The following NRG3 variants were observed in gnomAD, a reference collection of about 807,000 sequenced individuals.
NRG3 encodes pro-neuregulin-3, membrane-bound isoform.
A neutral mutation model predicts 66.9 loss-of-function variants in NRG3; 31 were observed. The observed-to-expected ratio is 0.46, with a 90% CI of 0.35 to 0.63. NRG3 has a LOEUF of 0.63. NRG3 is among the 20% of genes least tolerant of loss of function. NRG3 has a pLI of 0.00. For missense variants in NRG3, 910 were observed against 878.9 expected (o/e 1.04, Z -0.45); for synonymous variants, 393 against 359.4 (o/e 1.09, Z -1.06).
chr10:81,991,200 T>G lies in NRG3; in HGVS notation c.823+115037T>G, dbSNP rs183250152. On this transcript the variant is annotated intron_variant, in intron 1 of 8. Coordinates refer to ENST00000372141, the MANE Select transcript of NRG3 (RefSeq NM_001010848.4). ...TTAATTATTGTCTTCAATATGTACA[T>G]TGTTTCCAAGAATCATATTTTGCTT... is the stretch of plus-strand genomic sequence containing the variant. Among the ~76,000 whole-genome samples the G allele has an allele frequency of 1.7e-3, 260 of 152,304 alleles. 2 individuals carry two copies. Among genetic ancestry groups the G allele is most frequent in the African/African-American group, 5.1e-3 (214 of 41,586 alleles).
intron 1 of NRG3, among the ~76,000 whole-genome samples, chr10:82,260,470 A>C (rs1008107221): frequency 6.6e-6 from 1 of 152,160 alleles, no homozygotes; most frequent in African/African-American, 2.4e-5. Context: ...TTATATCTGG[A>C]ATTAGATGCT....
intron 1 of NRG3, among the ~76,000 whole-genome samples, chr10:81,877,046 C>T (rs939248793): frequency 1.3e-5 from 2 of 152,190 alleles, no homozygotes; most frequent in Admixed American, 1.3e-4. Flanking sequence ...GTTTTCTGCA[C>T]TCAAGGGTGA....
At chr10:81,974,122 A>C (rs1484975233) in intron 1 of NRG3, among the ~76,000 whole-genome samples, 2 of 152,158 alleles carry the variant, frequency 1.3e-5, no homozygotes, top group Admixed American at 1.3e-4. Context: ...AATCTTGTGC[A>C]TATGGCTAGC....
chr10:82,790,411 G>A (rs867576894), intron 3 of NRG3, among the ~76,000 whole-genome samples: 1 of 151,840 alleles, frequency 6.6e-6, no homozygotes, highest in African/African-American at 2.4e-5. Context: ...CCACCACATC[G>A]TGGCTTCTAT....
rs548054438 is a variant in NRG3, at chr10:82,034,637, T to C, written c.823+158474T>C. 5.9e-5 allele frequency among the ~76,000 whole-genome samples: 9 copies of C among 152,228 alleles called. No homozygotes were observed. The South Asian group carries it at 8.3e-4, about 14-fold the overall frequency. On this transcript the variant is annotated intron_variant, in intron 1 of 8. Transcript: ENST00000372141. ...TGAAAGCAACTGGGGAATGCATTCATTCCCCAGCCATTCCCTGGAGTACAC... is the reference window on the plus strand; with the variant it reads ...TGAAAGCAACTGGGGAATGCATTCACTCCCCAGCCATTCCCTGGAGTACAC...
At chr10:81,949,624 T>C (rs1849152062) in intron 1 of NRG3, among the ~76,000 whole-genome samples, 1 of 152,116 alleles carries the variant, frequency 6.6e-6, no homozygotes, top group Admixed American at 6.6e-5. Flanking sequence ...TTTTTTTCTG[T>C]ATTTAATGGT....
intron 4 of NRG3, among the ~76,000 whole-genome samples, chr10:82,867,348 T>A (rs995349421): frequency 5.3e-5 from 8 of 152,208 alleles, no homozygotes; most frequent in Non-Finnish European, 1.0e-4. Flanking sequence ...AAGACTGATC[T>A]ACAAGAACTC....
intron 3 of NRG3, among the ~76,000 whole-genome samples, chr10:82,802,598 G>A (rs2061089793): frequency 6.6e-6 from 1 of 152,110 alleles, no homozygotes; most frequent in South Asian, 2.1e-4. Flanking sequence ...CAGGGTTAAT[G>A]TAGAAGAACA....
At chr10:82,855,291 A>G (rs2063749117) in intron 3 of NRG3, among the ~76,000 whole-genome samples, 1 of 152,198 alleles carries the variant, frequency 6.6e-6, no homozygotes, top group Non-Finnish European at 1.5e-5. Context: ...ATATAAACAC[A>G]TGGCTGTTTG....
chr10:82,842,830 C>T (rs1025998443), intron 3 of NRG3, among the ~76,000 whole-genome samples: 3 of 152,210 alleles, frequency 2.0e-5, no homozygotes, highest in Non-Finnish European at 4.4e-5. Flanking sequence ...AAGTGATCCT[C>T]CTGCCTCAGC....
At chr10:82,456,623 A>G (rs2091280273) in intron 2 of NRG3, among the ~76,000 whole-genome samples, 1 of 152,048 alleles carries the variant, frequency 6.6e-6, no homozygotes, top group Admixed American at 6.5e-5. Context: ...CTGAAATGTT[A>G]TTATATGGTG....
intron 1 of NRG3, among the ~76,000 whole-genome samples, chr10:81,967,330 G>T (rs970868473): frequency 6.6e-6 from 1 of 151,328 alleles, no homozygotes; most frequent in East Asian, 1.9e-4. Flanking sequence ...TTTTATTATT[G>T]TATAGGTTTT....
intron 2 of NRG3, among the ~76,000 whole-genome samples, chr10:82,450,666 G>A (rs1405455921): frequency 3.3e-5 from 5 of 152,030 alleles, no homozygotes; most frequent in African/African-American, 7.3e-5. Context: ...TGCTCAGGTG[G>A]ATTTTTAAAA....
chr10:82,047,667 C>T (rs565718791), intron 1 of NRG3, among the ~76,000 whole-genome samples: 129 of 151,676 alleles, frequency 8.5e-4, no homozygotes, highest in African/African-American at 2.9e-3. Flanking sequence ...TAAAGACCAT[C>T]GAGACTAGGA....
At chr10:82,887,161 G>A (rs888569110) in intron 4 of NRG3, among the ~76,000 whole-genome samples, 1 of 152,136 alleles carries the variant, frequency 6.6e-6, no homozygotes. Context: ...TCCTACTACC[G>A]TGCTGCATTC....
chr10:82,403,561 A>G (rs972256084), intron 2 of NRG3, among the ~76,000 whole-genome samples: 5 of 152,204 alleles, frequency 3.3e-5, no homozygotes, highest in Admixed American at 3.3e-4. Flanking sequence ...CCCCAATGAC[A>G]TCTATTTTAA....
At chr10:81,904,005 T>TTTG (rs1554852253) in intron 1 of NRG3, among the ~76,000 whole-genome samples, 72 of 146,964 alleles carry the variant, frequency 4.9e-4, no homozygotes, top group African/African-American at 1.8e-3. Flanking sequence ...TATTTTTTTT[T>TTTG]TTTGTTTGTT....
chr10:82,112,366 G>A (rs1418087297), intron 1 of NRG3, among the ~76,000 whole-genome samples: 1 of 152,156 alleles, frequency 6.6e-6, no homozygotes, highest in Admixed American at 6.6e-5. Flanking sequence ...GGTGCATACT[G>A]TGAAGTTGTG....
chr10:82,633,855 G>A (rs2050006472), intron 2 of NRG3, among the ~76,000 whole-genome samples: 2 of 152,216 alleles, frequency 1.3e-5, no homozygotes, highest in East Asian at 1.9e-4. Context: ...CAATTTTTTT[G>A]TCCACAGAAA....
Sources: allele counts gnomAD v4.1 joint callset (sites outside exome capture counted in the v4.1 genomes callset), GRCh38; gene constraint gnomAD v4.1.1; transcripts MANE v1.5; gene names NCBI Gene and HGNC (gene_info 2026-07-23, HGNC 2026-07-21).